The following COL22A1 variants were observed in gnomAD, a reference collection of about 807,000 sequenced individuals.
COL22A1 encodes the protein collagen alpha-1(XXII) chain.
A neutral mutation model predicts 248.9 loss-of-function variants in COL22A1; 221 were observed. That is an observed-to-expected ratio of 0.89 (90% CI 0.80 to 0.99). The LOEUF (loss-of-function observed/expected upper bound fraction) is 0.99, where lower values mean the gene tolerates loss of function less well. Among genes scored for constraint, COL22A1 ranks in the 50% least tolerant of loss-of-function variants. COL22A1 has a pLI of 0.00. For synonymous variants in COL22A1, 891 were observed against 793.4 expected (o/e 1.12, Z -2.07); for missense variants, 2,240 against 2,179.0 (o/e 1.03, Z -0.56).
At position 138,693,989 on chromosome 8, in the gene COL22A1, C is replaced by T. The variant is rs116803263; in HGVS notation, c.2701-290G>A. 6.0e-3 allele frequency among the ~76,000 whole-genome samples: 915 copies of T among 152,218 alleles called. 9 individuals are homozygous for T. The highest frequency in any genetic ancestry group is 0.02 in the African/African-American group (838 of 41,514). ...AGGGGCTCACACAGCCAGGCAAGGT[C>T]CCCAGTCACCCCAGCAGGATCTCCT... On this transcript the variant is annotated intron_variant, in intron 34 of 64. Transcript: ENST00000303045.
chr8:138,604,845 A>G, intron 58 of COL22A1, 76 bp from the exon 59 acceptor site: 1 of 1,203,134 alleles, frequency 8.3e-7, no homozygotes, highest in South Asian at 1.3e-5. Context: ...TTTAAAACTG[A>G]CATTTCCACT....
rs1819382149 is a variant in COL22A1, at chr8:138,616,968, A to C, written c.3826-10T>G. 1 of 1,614,164 alleles carries C rather than the reference A, an allele frequency of 6.2e-7. No individual in the cohort carries two copies. The highest frequency in any genetic ancestry group is 8.5e-7 in the Non-Finnish European group (1 of 1,180,016). On this transcript the variant is annotated splice_polypyrimidine_tract_variant and intron_variant, in intron 53 of 64. Coordinates refer to ENST00000303045, the MANE Select transcript of COL22A1 (RefSeq NM_152888.3). ...TGTGTCCCTTGAAGCCCTAGAAGGAAGAGAATGGAGTTATTCCATGATAGA... is the reference window on the plus strand; with the variant it reads ...TGTGTCCCTTGAAGCCCTAGAAGGACGAGAATGGAGTTATTCCATGATAGA...
intron 22 of COL22A1, among the ~76,000 whole-genome samples, chr8:138,745,817 G>A (rs139388812): frequency 1.4e-4 from 21 of 152,202 alleles, no homozygotes; most frequent in Admixed American, 4.6e-4. Context: ...TGGGTCTTCC[G>A]CCAAAACATT....
At chr8:138,701,167 C>T (rs1025632528) in intron 31 of COL22A1, among the ~76,000 whole-genome samples, 7 of 152,136 alleles carry the variant, frequency 4.6e-5, no homozygotes, top group African/African-American at 1.7e-4. Flanking sequence ...TCCCTCTTCC[C>T]TCTCCACCAT....
At chr8:138,818,242 C>G (rs1818837235) in intron 7 of COL22A1, among the ~76,000 whole-genome samples, 1 of 152,136 alleles carries the variant, frequency 6.6e-6, no homozygotes, top group South Asian at 2.1e-4. Context: ...TATTCAGGGG[C>G]TGACAGTAGA....
intron 10 of COL22A1, among the ~76,000 whole-genome samples, chr8:138,804,570 AGAG>A (rs1223922160): frequency 6.6e-6 from 1 of 152,176 alleles, no homozygotes; most frequent in African/African-American, 2.4e-5. Context: ...GTGACTTCTC[AGAG>A]GAGCTCGGTG....
chr8:138,804,351 C>A (rs750756902), intron 10 of COL22A1, among the ~76,000 whole-genome samples: 2 of 152,232 alleles, frequency 1.3e-5, no homozygotes, highest in Non-Finnish European at 2.9e-5. Flanking sequence ...CCGGGCAGGT[C>A]TCCAGGTGGC....
chr8:138,648,112 CT>C (rs1373898459), intron 46 of COL22A1, among the ~76,000 whole-genome samples: 23 of 152,282 alleles, frequency 1.5e-4, no homozygotes, highest in African/African-American at 5.3e-4. Context: ...AAATAAAGGC[CT>C]GTTTTTAATA....
At chr8:138,698,445 G>C (rs1420066431) in intron 32 of COL22A1, among the ~76,000 whole-genome samples, 1 of 152,214 alleles carries the variant, frequency 6.6e-6, no homozygotes, top group Non-Finnish European at 1.5e-5. Context: ...CTGTTAGGAG[G>C]CTTGGTTGCA....
chr8:138,767,983 C>T (rs1328589637), intron 16 of COL22A1, among the ~76,000 whole-genome samples: 1 of 152,184 alleles, frequency 6.6e-6, no homozygotes, highest in Non-Finnish European at 1.5e-5. Context: ...TTGTTTTCCC[C>T]TGAAATCGGC....
At chr8:138,826,319 C>T (rs1021405707) in intron 6 of COL22A1, among the ~76,000 whole-genome samples, 5 of 152,180 alleles carry the variant, frequency 3.3e-5, no homozygotes, top group East Asian at 1.9e-4. Context: ...CACTGCATCA[C>T]GAAGCTGGGT....
At chr8:138,650,660 T>C (rs1300676295) in intron 45 of COL22A1, among the ~76,000 whole-genome samples, 1 of 150,412 alleles carries the variant, frequency 6.6e-6, no homozygotes, top group Non-Finnish European at 1.5e-5. Flanking sequence ...TAGAATACTC[T>C]CAAGAAAGAT....
chr8:138,658,250 G>T (rs1823471748), intron 44 of COL22A1, among the ~76,000 whole-genome samples: 1 of 152,216 alleles, frequency 6.6e-6, no homozygotes, highest in South Asian at 2.1e-4. Context: ...ACATTCCAAA[G>T]AAATGTCCAG....
At chr8:138,601,254 G>C (rs1353552055) in intron 60 of COL22A1, among the ~76,000 whole-genome samples, 1 of 152,138 alleles carries the variant, frequency 6.6e-6, no homozygotes, top group African/African-American at 2.4e-5. Context: ...CCACGGGATA[G>C]AGGAATCAAA....
At chr8:138,724,334 T>C (rs1196081386) in intron 25 of COL22A1, among the ~76,000 whole-genome samples, 1 of 152,212 alleles carries the variant, frequency 6.6e-6, no homozygotes, top group Non-Finnish European at 1.5e-5. Context: ...CTCTTGAATG[T>C]GTCTTTTGGT....
chr8:138,897,456 G>C (rs529842545), intron 1 of COL22A1, among the ~76,000 whole-genome samples: 1 of 152,184 alleles, frequency 6.6e-6, no homozygotes, highest in East Asian at 1.9e-4. Flanking sequence ...GGCTGAGGCA[G>C]GAGAATCGCT....
At chr8:138,881,941 A>C (rs1429841308) in intron 2 of COL22A1, among the ~76,000 whole-genome samples, 1 of 152,048 alleles carries the variant, frequency 6.6e-6, no homozygotes, top group Non-Finnish European at 1.5e-5. Context: ...CCATGTTGCC[A>C]TGTCTCTCCC....
chr8:138,872,664 A>G (rs1348166640), intron 3 of COL22A1, among the ~76,000 whole-genome samples: 1 of 152,224 alleles, frequency 6.6e-6, no homozygotes, highest in Non-Finnish European at 1.5e-5. Flanking sequence ...CACTGCAGGA[A>G]GCTGAGGCTG....
At chr8:138,725,553 T>A in intron 23 of COL22A1, 113 bp from the exon 24 acceptor site, 3 of 842,460 alleles carry the variant, frequency 3.6e-6, no homozygotes, top group Non-Finnish European at 5.5e-6. Context: ...GGTGGGATTT[T>A]AACTTTATTT....
Sources: gnomAD v4.1 joint callset for allele counts (sites outside exome capture counted in the v4.1 genomes callset) on GRCh38, gnomAD v4.1.1 for gene constraint, MANE v1.5 for transcripts, NCBI Gene and HGNC (gene_info 2026-07-23, HGNC 2026-07-21) for gene names.